The following BFSP1 variants were observed in gnomAD, a reference collection of about 807,000 sequenced individuals.
The protein encoded by BFSP1 is filensin.
BFSP1 carries 38 observed loss-of-function variants against 43.9 expected under a neutral mutation model. The observed-to-expected ratio is 0.87, with a 90% CI of 0.67 to 1.14. The LOEUF (loss-of-function observed/expected upper bound fraction) is 1.14, where lower values mean the gene tolerates loss of function less well. Ranked by LOEUF, BFSP1 falls within the 50% of genes most tolerant of loss-of-function variation. BFSP1 has a pLI of 0.00. For synonymous variants in BFSP1, 352 were observed against 354.8 expected (o/e 0.99, Z 0.09); for missense variants, 850 against 875.1 (o/e 0.97, Z 0.36).
Position 17,531,195 on chromosome 20 carries a change from C to A in BFSP1, c.135G>T (p.Gln45His), listed in dbSNP as rs1344320840. 5 of 1,308,454 alleles carry A rather than the reference C, an allele frequency of 3.8e-6. No homozygotes were observed. In the East Asian group the frequency reaches 1.6e-4, roughly 42 times the overall value. The allele number at this position is 1,308,454 out of a possible 1,614,324, so 81.1% of individuals were successfully genotyped here. A position where few individuals can be genotyped will look rare whatever the true frequency, so the allele number is the denominator to read the frequency against. The change falls in exon 1 of 8, where the codon CAG becomes CAT. Residue 45 changes from glutamine (Q) to histidine (H), a missense_variant. By Grantham distance (24) the Gln-to-His change is conservative (BLOSUM62 0). Coordinates refer to ENST00000377873, the MANE Select transcript of BFSP1 (RefSeq NM_001195.5). ...GGGCGGCCACGCGCTCGCCGAGCCCCTGCAGCGCCGCCAGGCTCGTTGCCC... is the reference window on the plus strand; with the variant it reads ...GGGCGGCCACGCGCTCGCCGAGCCCATGCAGCGCCGCCAGGCTCGTTGCCC... ...WAGATSLAAL[Q>H]GLGERVAAHV...
intron 1 of BFSP1, among the ~76,000 whole-genome samples, chr20:17,527,083 GAAC>G (rs2034437739): frequency 6.6e-6 from 1 of 152,222 alleles, no homozygotes; most frequent in Admixed American, 6.5e-5. Flanking sequence ...ACTGAAGGAA[GAAC>G]AATTATGAAT....
chr20:17,494,399 T>G lies in BFSP1; in HGVS notation c.1673A>C (p.Glu558Ala). 6.2e-7 allele frequency: 1 copy of G among 1,614,228 alleles called. No homozygotes were observed. The highest frequency in any genetic ancestry group is 2.2e-5 in the East Asian group (1 of 44,884). ...PDGAELEGPE[E>A]KREGEERDEE... ...GTCCCGCTCCTCACCCTCACGTTTC[T>G]CTTCAGGGCCTTCCAGCTCTGCACC... The change falls in exon 8 of 8, where the codon GAG becomes GCG. Residue 558 changes from glutamate (E) to alanine (A), a missense_variant. Coordinates refer to ENST00000377873, the MANE Select transcript of BFSP1 (RefSeq NM_001195.5).
At chr20:17,549,357 G>A (rs116858987) in intron 1 of BFSP1, among the ~76,000 whole-genome samples, 17 of 152,334 alleles carry the variant, frequency 1.1e-4, no homozygotes, top group South Asian at 2.1e-4. Flanking sequence ...CAAGAAGCAT[G>A]GCAGGTTCTG....
chr20:17,541,083 G>C (rs897207923), intron 1 of BFSP1: 2 of 173,480 alleles, frequency 1.2e-5, no homozygotes, highest in Non-Finnish European at 2.3e-5. Flanking sequence ...CCAGCTACTT[G>C]AGAGGCTGAG....
At chr20:17,512,440 G>C (rs144127686) in intron 3 of BFSP1, among the ~76,000 whole-genome samples, 6 of 152,174 alleles carry the variant, frequency 3.9e-5, no homozygotes, top group African/African-American at 1.4e-4. Flanking sequence ...GCCCTCACCA[G>C]ACATGGTGGC....
intron 1 of BFSP1, among the ~76,000 whole-genome samples, chr20:17,557,465 C>T (rs769349967): frequency 6.6e-6 from 1 of 152,128 alleles, no homozygotes; most frequent in Non-Finnish European, 1.5e-5. Flanking sequence ...CTCTGCCCCC[C>T]TATGTCCCCT....
chr20:17,559,491 G>T (rs2035046953), upstream of BFSP1, among the ~76,000 whole-genome samples: 1 of 152,120 alleles, frequency 6.6e-6, no homozygotes, highest in Non-Finnish European at 1.5e-5. Context: ...GTCCCAAAGG[G>T]GTGCACCTTG....
At chr20:17,558,718 T>C (rs1421994518) in exon 1 of BFSP1, 5 of 1,551,694 alleles carry the variant, frequency 3.2e-6, no homozygotes, top group Non-Finnish European at 4.4e-6. Context: ...GCTCCTTCTG[T>C]GAAATTTGAA....
rs780034931 is a variant in BFSP1, at chr20:17,494,551, G to A, written c.1521C>T (p.Asp507=). 59 of 1,614,048 alleles carry A rather than the reference G, an allele frequency of 3.7e-5. No homozygotes were observed. Among genetic ancestry groups the A allele is most frequent in the Admixed American group, 8.3e-5 (5 of 59,998 alleles). ...VSVAEDSVLY[D]GQVEPSPESP... ...ACTCAGGAGAGGGCTCCACCTGGCCGTCATAAAGCACAGAGTCTTCCGCAA... is the reference window on the plus strand; with the variant it reads ...ACTCAGGAGAGGGCTCCACCTGGCCATCATAAAGCACAGAGTCTTCCGCAA... The change falls in exon 8 of 8, where the codon GAC becomes GAT. Residue 507 remains aspartate (D), a synonymous_variant. Coordinates refer to ENST00000377873, the MANE Select transcript of BFSP1 (RefSeq NM_001195.5).
chr20:17,548,820 G>GT (rs951486434), intron 1 of BFSP1, among the ~76,000 whole-genome samples: 2 of 151,804 alleles, frequency 1.3e-5, no homozygotes, highest in Non-Finnish European at 1.5e-5. Context: ...TTGTTTGTTT[G>GT]TTTTTTAGAT....
At chr20:17,564,177 G>C (rs1319791295) in intron 1 of BFSP1, among the ~76,000 whole-genome samples, 1 of 150,078 alleles carries the variant, frequency 6.7e-6, no homozygotes, top group African/African-American at 2.4e-5. Flanking sequence ...TACATACACA[G>C]ACACACACAC....
upstream of BFSP1, among the ~76,000 whole-genome samples, chr20:17,532,510 C>T (rs894309225): frequency 6.6e-6 from 1 of 151,222 alleles, no homozygotes; most frequent in Non-Finnish European, 1.5e-5. Flanking sequence ...GAGATGGGGT[C>T]TTGCTATGTT....
In BFSP1 at chr20:17,531,257, C is replaced by T. The variant is rs868032714; in HGVS notation, c.73G>A (p.Ala25Thr). 3 of 1,435,390 alleles carry T rather than the reference C, an allele frequency of 2.1e-6. No individual in the cohort carries two copies. The highest frequency in any genetic ancestry group is 1.4e-5 in the South Asian group (1 of 71,312). The allele number at this position is 1,435,390 out of a possible 1,614,324, so 88.9% of individuals were successfully genotyped here. The change falls in exon 1 of 8, where the codon GCC (alanine) becomes ACC (threonine). Residue 25 changes from alanine (A) to threonine (T), a missense_variant. Physicochemically the swap from Ala to Thr is moderately conservative, Grantham distance 58. Coordinates refer to ENST00000377873, the MANE Select transcript of BFSP1 (RefSeq NM_001195.5). The stretch of plus-strand genomic sequence containing the variant: ...TCGTCGGCCGGGCGCTCGGGCTCGG[C>T]GGCGCGCGAAGCCTCGTCGGCGTGC... ...YEHADEASRA[A>T]EPERPADEGW...
chr20:17,559,375 A>C (rs1296088335), upstream of BFSP1, among the ~76,000 whole-genome samples: 1 of 152,206 alleles, frequency 6.6e-6, no homozygotes, highest in Non-Finnish European at 1.5e-5. Flanking sequence ...AATTGCTAAG[A>C]CTGTGCCAGG....
Position 17,505,390 on chromosome 20 carries a change from C to T in BFSP1, c.735+3499G>A, listed in dbSNP as rs533935722. Among the ~76,000 whole-genome samples the T allele has an allele frequency of 2.4e-4, 37 of 152,340 alleles. No individual in the cohort carries two copies. The South Asian group carries it at 7.5e-3, about 31-fold the overall frequency. ...ATTTCTGACAAGTTCCCAGGTGGTG[C>T]CCCCGCTGCTGGGACGGGGACCTCA... On this transcript the variant is annotated intron_variant, in intron 5 of 7. Transcript: ENST00000377873.
chr20:17,503,886 A>G (rs961561077), intron 5 of BFSP1, among the ~76,000 whole-genome samples: 5 of 152,166 alleles, frequency 3.3e-5, no homozygotes, highest in Non-Finnish European at 7.3e-5. Flanking sequence ...TCACTTAGCA[A>G]AGTTTTAAAC....
intron 1 of BFSP1, among the ~76,000 whole-genome samples, chr20:17,544,304 G>A (rs2034766442): frequency 1.3e-5 from 2 of 152,194 alleles, no homozygotes; most frequent in Admixed American, 1.3e-4. Flanking sequence ...ATCATTGGTT[G>A]AGGGCTGCTC....
At position 17,494,216 on chromosome 20, in the gene BFSP1, T is replaced by A. The variant is rs750956030; in HGVS notation, c.1856A>T (p.Tyr619Phe). ...PEKGPPKALA[Y>F]KTVEVVESIE... ...AGATTCCACCACTTCCACTGTCTTA[T>A]AGGCCAAAGCCTTGGGAGGGCCTTT... The change falls in exon 8 of 8, where the codon TAT (tyrosine) becomes TTT (phenylalanine). Residue 619 changes from tyrosine (Y) to phenylalanine (F), a missense_variant. Coordinates refer to ENST00000377873, the MANE Select transcript of BFSP1 (RefSeq NM_001195.5). 1.6e-5 allele frequency: 26 copies of A among 1,614,108 alleles called. No homozygotes were observed. Among genetic ancestry groups the A allele is most frequent in the Non-Finnish European group, 1.9e-5 (23 of 1,180,060 alleles).
intron 6 of BFSP1, 94 bp downstream of exon 6, chr20:17,498,726 C>T (rs1169772806): frequency 4.3e-6 from 6 of 1,382,890 alleles, no homozygotes; most frequent in Non-Finnish European, 5.9e-6. Context: ...CTGACACATG[C>T]CCACTGCCTA....
Sources: gnomAD v4.1 joint callset for allele counts (sites outside exome capture counted in the v4.1 genomes callset) on GRCh38, gnomAD v4.1.1 for gene constraint, MANE v1.5 for transcripts, NCBI Gene and HGNC (gene_info 2026-07-23, HGNC 2026-07-21) for gene names.